Variants in KCNS3 observed in about 807,000 individuals in gnomAD.
KCNS3 encodes the protein potassium voltage-gated channel modifier subfamily S member 3.
In KCNS3, 13 loss-of-function variants were observed where a neutral mutation model predicts 31.0. That is an observed-to-expected ratio of 0.42 (90% CI 0.27 to 0.67). KCNS3 has a LOEUF of 0.67. Among genes scored for constraint, KCNS3 ranks in the 30% least tolerant of loss-of-function variants. KCNS3 has a pLI of 0.25. For missense variants in KCNS3, 545 were observed against 622.4 expected (o/e 0.88, Z 1.32); for synonymous variants, 238 against 241.5 (o/e 0.99, Z 0.13).
intron 1 of KCNS3, chr2:17,879,399 A>G (rs1674587290): frequency 1.3e-5 from 2 of 152,332 alleles, no homozygotes; most frequent in Admixed American, 1.3e-4. Context: ...GAGCGAACCC[A>G]GGGCCCTTGC....
At chr2:17,886,172 C>T (rs73222762) in intron 1 of KCNS3, among the ~76,000 whole-genome samples, 22 of 152,266 alleles carry the variant, frequency 1.4e-4, no homozygotes, top group African/African-American at 4.3e-4. Flanking sequence ...AGAATGCCAG[C>T]AGACTAAATT....
intron 1 of KCNS3, among the ~76,000 whole-genome samples, chr2:17,910,648 A>G (rs62131498): frequency 2.0e-5 from 3 of 150,962 alleles, no homozygotes; most frequent in Non-Finnish European, 3.0e-5. Context: ...TTTTTTTTAA[A>G]TGTTCTAGGA....
intron 1 of KCNS3, among the ~76,000 whole-genome samples, chr2:17,913,876 G>C (rs1050431609): frequency 2.6e-5 from 4 of 152,134 alleles, no homozygotes; most frequent in African/African-American, 9.7e-5. Context: ...GAAGGCTAGG[G>C]GTGCTGCTAA....
At chr2:17,913,395 C>G (rs1346341019) in intron 1 of KCNS3, among the ~76,000 whole-genome samples, 1 of 152,244 alleles carries the variant, frequency 6.6e-6, no homozygotes, top group Non-Finnish European at 1.5e-5. Context: ...CTGCAGAAAG[C>G]TGCAGCAGGC....
intron 1 of KCNS3, among the ~76,000 whole-genome samples, chr2:17,888,384 T>C (rs1447278510): frequency 2.0e-5 from 3 of 151,854 alleles, no homozygotes; most frequent in African/African-American, 7.3e-5. Flanking sequence ...TTGTTGATTT[T>C]CGTATAAGAT....
rs1292255776 is a variant in KCNS3, at chr2:17,929,667, C to G, written c.-59-1283C>G. On this transcript the variant is annotated intron_variant, in intron 2 of 2. Coordinates refer to ENST00000304101, the MANE Select transcript of KCNS3 (RefSeq NM_002252.5). Reference sequence around the variant, plus strand: ...TATGAAGCTTCTCCAGGTAAGGTCACTGCTTTTTTCTCAGTAATCCCAAAG... The same window carrying G: ...TATGAAGCTTCTCCAGGTAAGGTCAGTGCTTTTTTCTCAGTAATCCCAAAG... Among the ~76,000 whole-genome samples the G allele has an allele frequency of 2.0e-5, 3 of 152,234 alleles. No homozygotes were observed. The East Asian group carries it at 5.8e-4, about 29-fold the overall frequency.
chr2:17,917,496 A>G (rs1284426693), intron 1 of KCNS3, among the ~76,000 whole-genome samples, 184 bp from the exon 2 acceptor site: 2 of 152,142 alleles, frequency 1.3e-5, no homozygotes, highest in Non-Finnish European at 2.9e-5. Flanking sequence ...TAAACCTAGC[A>G]CATGTCCAAT....
intron 1 of KCNS3, among the ~76,000 whole-genome samples, chr2:17,895,705 G>T (rs1572483801): frequency 6.6e-6 from 1 of 152,300 alleles, no homozygotes; most frequent in Non-Finnish European, 1.5e-5. Context: ...TTAGGTGCGT[G>T]TATGAGGGAA....
At chr2:17,915,871 G>A (rs552277793) in intron 1 of KCNS3, among the ~76,000 whole-genome samples, 1 of 152,292 alleles carries the variant, frequency 6.6e-6, no homozygotes, top group African/African-American at 2.4e-5. Flanking sequence ...GATGGAAAAT[G>A]GGGCAAGGCA....
At chr2:17,893,338 A>C (rs1164290182) in intron 1 of KCNS3, among the ~76,000 whole-genome samples, 1 of 152,202 alleles carries the variant, frequency 6.6e-6, no homozygotes, top group Non-Finnish European at 1.5e-5. Context: ...GCCCGAGGCC[A>C]TCTGCCTCCC....
chr2:17,906,080 C>A (rs547425890), intron 1 of KCNS3, among the ~76,000 whole-genome samples: 1 of 152,236 alleles, frequency 6.6e-6, no homozygotes, highest in East Asian at 1.9e-4. Context: ...GCTGTGAATC[C>A]GTCTGGTCCT....
intron 2 of KCNS3, among the ~76,000 whole-genome samples, chr2:17,920,417 G>C (rs1662682613): frequency 6.6e-6 from 1 of 152,196 alleles, no homozygotes; most frequent in African/African-American, 2.4e-5. Context: ...GTGAGTTTGA[G>C]AGCATGAAGC....
In KCNS3 at chr2:17,931,351, T is replaced by A; in HGVS notation, c.343T>A (p.Ser115Thr). 1 of 1,614,198 alleles carries A rather than the reference T, an allele frequency of 6.2e-7. No homozygotes were observed. The highest frequency in any genetic ancestry group is 8.5e-7 in the Non-Finnish European group (1 of 1,180,026). Residue 115 changes from serine (S) to threonine (T), a missense_variant, in exon 3 of 3, where the codon TCT becomes ACT. Physicochemically the swap from Ser to Thr is moderately conservative, Grantham distance 58. Coordinates refer to ENST00000304101, the MANE Select transcript of KCNS3 (RefSeq NM_002252.5). This position sits in a 1 kb window ranked among gnomAD's most constrained non-coding sequence, Gnocchi z 5.4. ...YWGINELFID[S>T]CCSNRYQERK... Reference sequence around the variant, plus strand: ...GGGCATCAACGAGCTCTTCATTGATTCTTGCTGCAGCAATCGCTACCAGGA... The same window carrying A: ...GGGCATCAACGAGCTCTTCATTGATACTTGCTGCAGCAATCGCTACCAGGA...
At chr2:17,898,583 TTG>T (rs976656489) in intron 1 of KCNS3, among the ~76,000 whole-genome samples, 2 of 152,164 alleles carry the variant, frequency 1.3e-5, no homozygotes, top group African/African-American at 4.8e-5. Flanking sequence ...TTGCTGCTGC[TTG>T]TGTCCAAAGA....
At chr2:17,929,292 C>G (rs1464620022) in intron 2 of KCNS3, among the ~76,000 whole-genome samples, 1 of 152,150 alleles carries the variant, frequency 6.6e-6, no homozygotes, top group East Asian at 1.9e-4. Flanking sequence ...TACAGTTCTG[C>G]AGGCTGTACA....
intron 2 of KCNS3, among the ~76,000 whole-genome samples, chr2:17,921,957 AT>A (rs1662726244): frequency 7.3e-6 from 1 of 137,904 alleles, no homozygotes. Context: ...ATATATATAT[AT>A]AAATACATAT....
At chr2:17,928,220 T>C (rs921385544) in intron 2 of KCNS3, among the ~76,000 whole-genome samples, 1 of 152,220 alleles carries the variant, frequency 6.6e-6, no homozygotes, top group Non-Finnish European at 1.5e-5. Flanking sequence ...TGTTCTTTCA[T>C]TGCTGATTTT....
intron 2 of KCNS3, among the ~76,000 whole-genome samples, chr2:17,922,061 A>G (rs1353736379): frequency 2.0e-5 from 3 of 149,890 alleles, no homozygotes; most frequent in South Asian, 2.1e-4. Flanking sequence ...GATCTGTGTC[A>G]TTTGTCCTGT....
At chr2:17,884,775 A>T (rs186709162) in intron 1 of KCNS3, among the ~76,000 whole-genome samples, 6 of 152,320 alleles carry the variant, frequency 3.9e-5, no homozygotes, top group Admixed American at 3.3e-4. Context: ...CTTCTAGAAC[A>T]TTAGACATTT....
Sources: gnomAD v4.1 joint callset for allele counts (sites outside exome capture counted in the v4.1 genomes callset) on GRCh38, gnomAD v4.1.1 for gene constraint, Gnocchi (gnomAD v3.1) non-coding constraint, MANE v1.5 for transcripts, NCBI Gene and HGNC (gene_info 2026-07-23, HGNC 2026-07-21) for gene names.